RPS6KB1: variants seen among roughly 807,000 people sequenced by gnomAD.
The protein encoded by RPS6KB1 is ribosomal protein S6 kinase B1.
RPS6KB1 carries 12 observed loss-of-function variants against 70.2 expected under a neutral mutation model. The ratio of observed to expected loss-of-function variants is 0.17; its 90% CI spans 0.11 to 0.28. The LOEUF (loss-of-function observed/expected upper bound fraction) is 0.28. Among genes scored for constraint, RPS6KB1 ranks in the 10% least tolerant of loss-of-function variants. The pLI is 1.00. For missense variants in RPS6KB1, 270 were observed against 646.6 expected (o/e 0.42, Z 6.32); for synonymous variants, 175 against 211.2 (o/e 0.83, Z 1.49).
chr17:59,923,360 C>T (rs1034326413), intron 4 of RPS6KB1, among the ~76,000 whole-genome samples: 23 of 151,564 alleles, frequency 1.5e-4, no homozygotes, highest in African/African-American at 5.6e-4. Flanking sequence ...GTGGCTAATT[C>T]TTGTATTTTT....
chr17:59,918,224 G>C (rs2043069059), intron 4 of RPS6KB1, among the ~76,000 whole-genome samples: 1 of 152,148 alleles, frequency 6.6e-6, no homozygotes, highest in African/African-American at 2.4e-5. Context: ...AAGCCACTGT[G>C]CCCAGCCATT....
At chr17:59,933,405 GA>G (rs940586509) in intron 7 of RPS6KB1, among the ~76,000 whole-genome samples, 3 of 152,034 alleles carry the variant, frequency 2.0e-5, no homozygotes, top group African/African-American at 7.3e-5. Context: ...ATGGTTCTGT[GA>G]AAATAAAGGC....
chr17:59,911,601 A>G (rs1277730006), intron 2 of RPS6KB1, among the ~76,000 whole-genome samples: 6 of 124,754 alleles, frequency 4.8e-5, no homozygotes, highest in African/African-American at 1.9e-4. Context: ...CTGGAGTGTG[A>G]TGGCATGATC....
chr17:59,908,920 A>ATTTTT (rs1405952501), intron 1 of RPS6KB1, among the ~76,000 whole-genome samples: 1 of 101,722 alleles, frequency 9.8e-6, no homozygotes, highest in African/African-American at 4.2e-5. Context: ...GCCCGGCCAA[A>ATTTTT]TTTTTTTTTT....
At chr17:59,911,544 T>G (rs796574480) in intron 2 of RPS6KB1, among the ~76,000 whole-genome samples, 1 of 139,384 alleles carries the variant, frequency 7.2e-6, no homozygotes, top group African/African-American at 2.7e-5. Flanking sequence ...TTGGGTTTTT[T>G]TTTTTTTTTT....
chr17:59,935,496 A>G (rs887505008), intron 10 of RPS6KB1, among the ~76,000 whole-genome samples, 196 bp downstream of exon 10: 3 of 151,188 alleles, frequency 2.0e-5, no homozygotes, highest in Non-Finnish European at 4.4e-5. Flanking sequence ...TTTTTTTGAG[A>G]CAGGGTCTTG....
chr17:59,914,993 T>G (rs577574860), intron 4 of RPS6KB1, among the ~76,000 whole-genome samples: 430 of 141,644 alleles, frequency 3.0e-3, no homozygotes, highest in Non-Finnish European at 4.9e-3. Flanking sequence ...TTTTCTTTTC[T>G]TTTTTTTTTT....
intron 1 of RPS6KB1, among the ~76,000 whole-genome samples, chr17:59,894,440 A>G (rs184789908): frequency 6.6e-6 from 1 of 152,176 alleles, no homozygotes; most frequent in African/African-American, 2.4e-5. Flanking sequence ...ATGACGTCAG[A>G]TGTTTGCTCT....
At chr17:59,919,813 G>A (rs1361221227) in intron 4 of RPS6KB1, among the ~76,000 whole-genome samples, 8 of 152,032 alleles carry the variant, frequency 5.3e-5, no homozygotes, top group Non-Finnish European at 1.2e-4. Context: ...GCCTTCTACA[G>A]TCTTCAGTTC....
intron 14 of RPS6KB1, 45 bp downstream of exon 14, chr17:59,945,563 C>G (rs1167329331): frequency 1.3e-5 from 13 of 1,021,558 alleles, no homozygotes; most frequent in Non-Finnish European, 1.8e-5. Context: ...TTTAAACAAC[C>G]TACAAGAGTG....
Position 59,945,217 on chromosome 17 carries a change from AGT to A in RPS6KB1, c.1228-183_1228-182del. On this transcript the variant is annotated intron_variant, in intron 13 of 14. Coordinates refer to ENST00000225577, the MANE Select transcript of RPS6KB1 (RefSeq NM_003161.4). ...GCTCAATGGAATTCTGCTTTCTTGAAGTGTGTGCCTCACGAAATGGCTGGAAA... is the reference window on the plus strand; with the variant it reads ...GCTCAATGGAATTCTGCTTTCTTGAAGTGTGCCTCACGAAATGGCTGGAAA... 6.5e-6 allele frequency: 3 copies of A among 458,938 alleles called. No homozygotes were observed. In the South Asian group the frequency reaches 1.2e-4, roughly 19 times the overall value. 28.4% of individuals were successfully genotyped at this position (458,938 alleles called of 1,614,324 possible).
At chr17:59,900,187 C>CAG (rs2041830847) in intron 1 of RPS6KB1, among the ~76,000 whole-genome samples, 3 of 103,366 alleles carry the variant, frequency 2.9e-5, no homozygotes, top group African/African-American at 1.8e-4. Flanking sequence ...CACACACACA[C>CAG]ACACACACAC....
At chr17:59,937,184 A>G (rs1373436887) in intron 12 of RPS6KB1, among the ~76,000 whole-genome samples, 1 of 152,156 alleles carries the variant, frequency 6.6e-6, no homozygotes, top group African/African-American at 2.4e-5. Context: ...TTTTTGTACT[A>G]TCTTGTAAAG....
chr17:59,902,724 G>T (rs117235673), intron 1 of RPS6KB1, among the ~76,000 whole-genome samples: 2 of 151,878 alleles, frequency 1.3e-5, no homozygotes, highest in Non-Finnish European at 2.9e-5. Context: ...CCACAGGCAC[G>T]TGCCACCATT....
chr17:59,913,707 T>C (rs1370948912), intron 3 of RPS6KB1: 2 of 152,206 alleles, frequency 1.3e-5, no homozygotes, highest in Non-Finnish European at 2.9e-5. Context: ...TATTTTATTT[T>C]TTATGATTTT....
chr17:59,902,516 A>T (rs1448381143), intron 1 of RPS6KB1, among the ~76,000 whole-genome samples: 1 of 149,824 alleles, frequency 6.7e-6, no homozygotes, highest in Non-Finnish European at 1.5e-5. Context: ...TTACCGGTTG[A>T]TGTTCATTTG....
intron 4 of RPS6KB1, among the ~76,000 whole-genome samples, chr17:59,917,491 G>T (rs2043025586): frequency 6.6e-6 from 1 of 152,082 alleles, no homozygotes; most frequent in African/African-American, 2.4e-5. Context: ...AGGCTGGAGT[G>T]TGGTGGTGTG....
Position 59,947,491 on chromosome 17 carries a change from G to A in RPS6KB1, c.*703G>A, listed in dbSNP as rs1173426123. The A allele has an allele frequency of 1.3e-6, 2 of 1,484,344 alleles. No individual in the cohort carries two copies. Among genetic ancestry groups the A allele is most frequent in the African/African-American group, 1.4e-5 (1 of 70,430 alleles). 91.9% of individuals were successfully genotyped at this position (1,484,344 alleles called of 1,614,324 possible). The stretch of plus-strand genomic sequence containing the variant: ...AGCTGTGGCTCGTTTGAGGGATTGG[G>A]GTGGACCTGGGGTTTATTTTCAGTA... On this transcript the variant is annotated 3_prime_UTR_variant, in exon 15 of 15. Transcript: ENST00000225577.
chr17:59,901,626 A>G (rs1260649920), intron 1 of RPS6KB1, among the ~76,000 whole-genome samples: 10 of 31,282 alleles, frequency 3.2e-4, no homozygotes, highest in African/African-American at 2.6e-3. Context: ...CCTGTCTCTG[A>G]AAAAAAAAAA....
Sources: gnomAD v4.1 joint callset for allele counts (sites outside exome capture counted in the v4.1 genomes callset) on GRCh38, gnomAD v4.1.1 for gene constraint, MANE v1.5 for transcripts, NCBI Gene and HGNC (gene_info 2026-07-23, HGNC 2026-07-21) for gene names.